NFE2L2: variants seen among roughly 807,000 people sequenced by gnomAD.
NFE2L2 encodes the protein NFE2 like bZIP transcription factor 2.
NFE2L2 carries 20 observed loss-of-function variants against 49.6 expected under a neutral mutation model. The observed-to-expected ratio is 0.40, with a 90% CI of 0.28 to 0.59. The LOEUF (loss-of-function observed/expected upper bound fraction) is 0.59, where lower values mean the gene tolerates loss of function less well. Among genes scored for constraint, NFE2L2 ranks in the 20% least tolerant of loss-of-function variants. The pLI is 0.40. For synonymous variants in NFE2L2, 244 were observed against 256.5 expected (o/e 0.95, Z 0.47); for missense variants, 578 against 714.2 (o/e 0.81, Z 2.17).
Position 177,230,481 on chromosome 2 carries a change from T to C in NFE2L2, c.*304A>G. ...TTTTTAGCCAGATGTCATATCATCA[T>C]ATAAATCTATGAATATAACAAATGA... is the stretch of plus-strand genomic sequence containing the variant. On this transcript the variant is annotated 3_prime_UTR_variant, in exon 5 of 5. Transcript: ENST00000397062. 1 of 273,404 alleles carries C rather than the reference T, an allele frequency of 3.7e-6. No individual in the cohort carries two copies. The highest frequency in any genetic ancestry group is 6.8e-6 in the Non-Finnish European group (1 of 146,522). 16.9% of individuals were successfully genotyped at this position (273,404 alleles called of 1,614,324 possible).
intron 1 of NFE2L2, among the ~76,000 whole-genome samples, chr2:177,245,879 G>C (rs893202266): frequency 6.6e-6 from 1 of 152,146 alleles, no homozygotes; most frequent in Non-Finnish European, 1.5e-5. Context: ...CAAAGTGCTG[G>C]GATTACAGGC....
At chr2:177,251,743 T>C (rs573368892) in intron 1 of NFE2L2, among the ~76,000 whole-genome samples, 2 of 152,228 alleles carry the variant, frequency 1.3e-5, no homozygotes, top group South Asian at 2.1e-4. Flanking sequence ...TGGTGGCTCA[T>C]GCCTGTAATC....
At chr2:177,260,293 T>G (rs1225559034) in intron 1 of NFE2L2, among the ~76,000 whole-genome samples, 1 of 152,200 alleles carries the variant, frequency 6.6e-6, no homozygotes. Flanking sequence ...TCAGTCAACT[T>G]TCAGAAAGTG....
intron 2 of NFE2L2, 178 bp downstream of exon 2, chr2:177,233,827 T>C (rs1689647207): frequency 1.4e-6 from 1 of 712,016 alleles, no homozygotes; most frequent in African/African-American, 1.8e-5. Context: ...GATCAATAGG[T>C]TGGGTACTGA....
rs757703926 is a variant in NFE2L2, at chr2:177,231,433, C to G, written c.1170G>C (p.Gln390His). The G allele has an allele frequency of 6.2e-7, 1 of 1,614,104 alleles. No homozygotes were observed. Among genetic ancestry groups the G allele is most frequent in the East Asian group, 2.2e-5 (1 of 44,900 alleles). Residue 390 changes from glutamine to histidine, a missense_variant, in exon 5 of 5, where the codon CAG becomes CAC. Coordinates refer to ENST00000397062, the MANE Select transcript of NFE2L2 (RefSeq NM_006164.5). ...ELDSAPGSVKQNGPKTPVHSS... is the reference protein window; with the variant it reads ...ELDSAPGSVKHNGPKTPVHSS... ...AATGTACTGGTGTTTTAGGACCATT[C>G]TGTTTGACACTTCCAGGGGCACTAT...
rs1295853732 is a variant in NFE2L2 at position 177,230,772 on chromosome 2, A to G, written c.*13T>C. 6.4e-6 allele frequency: 10 copies of G among 1,563,408 alleles called. No homozygotes were observed. The highest frequency in any genetic ancestry group is 8.6e-6 in the Non-Finnish European group (10 of 1,162,088). ...AAAAAAACTAGCTCAGAAAAGGTCA[A>G]ATCCTCCTAAATCTAGTTTTTCTTA... On this transcript the variant is annotated 3_prime_UTR_variant, in exon 5 of 5. Transcript: ENST00000397062.
chr2:177,258,432 G>A (rs1038833133), intron 1 of NFE2L2, among the ~76,000 whole-genome samples: 1 of 152,134 alleles, frequency 6.6e-6, no homozygotes, highest in Non-Finnish European at 1.5e-5. Context: ...TAGTTACCAG[G>A]GGCCAGGAGA....
intron 1 of NFE2L2, among the ~76,000 whole-genome samples, chr2:177,235,392 G>T (rs558262997): frequency 6.6e-6 from 1 of 152,064 alleles, no homozygotes; most frequent in East Asian, 1.9e-4. Flanking sequence ...AGCTATGATC[G>T]TGTCACTGCA....
rs1689512281 is a variant in NFE2L2 at position 177,230,752 on chromosome 2, A to G, written c.*33T>C. Reference sequence around the variant, plus strand: ...AGCTTTTAGTATAATAGTACAAAAAAACTAGCTCAGAAAAGGTCAAATCCT... The same window carrying G: ...AGCTTTTAGTATAATAGTACAAAAAGACTAGCTCAGAAAAGGTCAAATCCT... On this transcript the variant is annotated 3_prime_UTR_variant, in exon 5 of 5. Coordinates refer to ENST00000397062, the MANE Select transcript of NFE2L2 (RefSeq NM_006164.5). 6 of 1,538,014 alleles carry G rather than the reference A, an allele frequency of 3.9e-6. No homozygotes were observed. In the East Asian group the frequency reaches 1.4e-4, roughly 35 times the overall value.
intron 1 of NFE2L2, among the ~76,000 whole-genome samples, chr2:177,252,513 A>G (rs989954435): frequency 6.6e-6 from 1 of 152,240 alleles, no homozygotes; most frequent in Non-Finnish European, 1.5e-5. Flanking sequence ...TACTAAAAAT[A>G]GTAAATCAAT....
chr2:177,251,563 C>T (rs910510337), intron 1 of NFE2L2, among the ~76,000 whole-genome samples: 6 of 152,188 alleles, frequency 3.9e-5, no homozygotes, highest in African/African-American at 1.2e-4. Context: ...TTCTAGGGCA[C>T]ACACCAGGCC....
chr2:177,238,225 G>C (rs1300167200), intron 1 of NFE2L2, among the ~76,000 whole-genome samples: 2 of 152,196 alleles, frequency 1.3e-5, no homozygotes, highest in Non-Finnish European at 2.9e-5. Flanking sequence ...ATAAAAATCA[G>C]TAAAAGGTTG....
intron 1 of NFE2L2, among the ~76,000 whole-genome samples, chr2:177,255,524 A>G (rs1045168115): frequency 7.2e-5 from 11 of 152,244 alleles, no homozygotes; most frequent in Admixed American, 7.2e-4. Flanking sequence ...CAGCTGACAC[A>G]AAGTAAACCA....
At chr2:177,264,449 G>C (rs960082554) in intron 1 of NFE2L2, 83 bp downstream of exon 1, 1 of 1,409,884 alleles carries the variant, frequency 7.1e-7, no homozygotes, top group Non-Finnish European at 9.5e-7. Context: ...GCCGGTTGCG[G>C]CTGTCCCTCC....
chr2:177,247,230 C>A (rs1574272776), intron 1 of NFE2L2, among the ~76,000 whole-genome samples: 1 of 152,100 alleles, frequency 6.6e-6, no homozygotes, highest in East Asian at 1.9e-4. Context: ...GTCCTTCACA[C>A]CTTGTATCAT....
At chr2:177,261,891 G>A (rs1334396641) in intron 1 of NFE2L2, among the ~76,000 whole-genome samples, 1 of 151,658 alleles carries the variant, frequency 6.6e-6, no homozygotes, top group Non-Finnish European at 1.5e-5. Context: ...AAAAAAAAAT[G>A]TACTTGTTGG....
In NFE2L2 at chr2:177,231,879, A is replaced by G; in HGVS notation, c.724T>C (p.Cys242Arg). Residue 242 changes from cysteine to arginine, a missense_variant, in exon 5 of 5, where the codon TGT becomes CGT. Transcript: ENST00000397062. ...IPSMEKEVGNCSPHFLNAFED... is the reference protein window; with the variant it reads ...IPSMEKEVGNRSPHFLNAFED... ...AAAGCATTAAGAAAATGTGGACTAC[A>G]GTTACCTACTTCTTTTTCCATTGAG... 1 of 1,614,230 alleles carries G rather than the reference A, an allele frequency of 6.2e-7. No homozygotes were observed. Among genetic ancestry groups the G allele is most frequent in the Non-Finnish European group, 8.5e-7 (1 of 1,180,024 alleles).
At chr2:177,256,484 T>A (rs1180314649) in intron 1 of NFE2L2, among the ~76,000 whole-genome samples, 1 of 124,874 alleles carries the variant, frequency 8.0e-6, no homozygotes, top group East Asian at 2.2e-4. Context: ...ACTCTGAATG[T>A]CAGCTACATT....
intron 1 of NFE2L2, among the ~76,000 whole-genome samples, chr2:177,242,086 T>G (rs1689954989): frequency 6.6e-6 from 1 of 152,226 alleles, no homozygotes; most frequent in Non-Finnish European, 1.5e-5. Context: ...GAATTCTAGG[T>G]CATTCTTTCT....
Sources: gnomAD v4.1 joint callset for allele counts (sites outside exome capture counted in the v4.1 genomes callset) on GRCh38, gnomAD v4.1.1 for gene constraint, MANE v1.5 for transcripts, NCBI Gene and HGNC (gene_info 2026-07-23, HGNC 2026-07-21) for gene names.